Variants in PRKCE observed in about 807,000 individuals in gnomAD.
PRKCE encodes the protein protein kinase C epsilon type.
Under a neutral mutation model 85.4 loss-of-function variants are expected in PRKCE, and 16 were observed. The observed-to-expected ratio is 0.19, with a 90% confidence interval of 0.13 to 0.28. The LOEUF is 0.28. PRKCE is among the 10% of genes least tolerant of loss of function. PRKCE has a pLI of 1.00. For synonymous variants in PRKCE, 388 were observed against 371.5 expected, an observed-to-expected ratio of 1.04 and a Z score of -0.51; for missense variants, 573 against 975.2, an observed-to-expected ratio of 0.59 and a Z score of 5.49.
At chr2:45,720,425 C>CGG in intron 1 of PRKCE, among the ~76,000 whole-genome samples, 1 of 152,080 alleles carries the variant, frequency 6.6e-6, no homozygotes, top group South Asian at 2.1e-4. Context: ...TTTCTGTGAG[C>CGG]GAGTGAGAGG....
intron 10 of PRKCE, among the ~76,000 whole-genome samples, chr2:46,020,329 A>C (rs1441275105): frequency 6.6e-6 from 1 of 152,154 alleles, no homozygotes; most frequent in Non-Finnish European, 1.5e-5. Context: ...CATTCCAAGG[A>C]AGATAACATT....
rs1558437589 is a variant in PRKCE at position 46,085,749 on chromosome 2, GTTTTTGTT to G, written c.1438-453_1438-446del. 5.1e-3 allele frequency among the ~76,000 whole-genome samples: 96 copies of G among 18,662 alleles called. 11 individuals are homozygous for G. In the East Asian group the frequency reaches 0.091, roughly 18 times the overall value. 12.2% of individuals were successfully genotyped at this position (18,662 alleles called of 152,430 possible). A position where few individuals can be genotyped will look rare whatever the true frequency, so the allele number is the denominator to read the frequency against. On this transcript the variant is annotated intron_variant, in intron 10 of 14. Transcript: ENST00000306156. ...TCTGCAAAATCCGTTTTTTTTTTTT[GTTTTTGTT>G]TTTTTTTTTTTTTTTAGCCATATAA... is the stretch of plus-strand genomic sequence containing the variant.
intron 1 of PRKCE, among the ~76,000 whole-genome samples, chr2:45,758,129 A>G (rs1684163029): frequency 6.6e-6 from 1 of 152,210 alleles, no homozygotes; most frequent in Non-Finnish European, 1.5e-5. Context: ...ATGGGCTGAG[A>G]CAGATTGCCT....
rs1014686285 is a variant in PRKCE at position 46,041,602 on chromosome 2, A to G, written c.1437+31085A>G. Among the ~76,000 whole-genome samples, 1 of 152,244 alleles carries G rather than the reference A, an allele frequency of 6.6e-6. No individual in the cohort carries two copies. Among genetic ancestry groups the G allele is most frequent in the Non-Finnish European group, 1.5e-5 (1 of 68,034 alleles). On this transcript the variant is annotated intron_variant, in intron 10 of 14. Transcript: ENST00000306156. This position sits in a 1 kb window ranked among gnomAD's most constrained non-coding sequence, Gnocchi z 5.5. ...GGCCCAAGTAACCCACAAGGCAGTG[A>G]TCTGGATCTGTTTACCAAGTTAACT...
At chr2:45,744,555 TTC>T (rs1558624289) in intron 1 of PRKCE, among the ~76,000 whole-genome samples, 18 of 105,346 alleles carry the variant, frequency 1.7e-4, no homozygotes, top group South Asian at 3.9e-4. Flanking sequence ...TCTTTCTTCC[TTC>T]CTTCCTTCCT....
At chr2:45,930,135 C>G (rs2104032256) in intron 2 of PRKCE, among the ~76,000 whole-genome samples, 1 of 152,310 alleles carries the variant, frequency 6.6e-6, no homozygotes, top group South Asian at 2.1e-4. Flanking sequence ...CCATCCAGCT[C>G]AGTCACCTGA....
At chr2:45,810,330 C>T (rs184788780) in intron 1 of PRKCE, among the ~76,000 whole-genome samples, 15 of 152,200 alleles carry the variant, frequency 9.9e-5, no homozygotes, top group Middle Eastern at 3.4e-3. Flanking sequence ...CGTGAACCAC[C>T]GCGCCCAGCC....
At chr2:46,160,216 A>G (rs749940608) in intron 14 of PRKCE, among the ~76,000 whole-genome samples, 1 of 152,188 alleles carries the variant, frequency 6.6e-6, no homozygotes. Context: ...AGCAGGAAGG[A>G]TGGTGCTGGG....
intron 11 of PRKCE, among the ~76,000 whole-genome samples, chr2:46,092,733 G>T (rs1049432505): frequency 3.9e-5 from 6 of 152,110 alleles, no homozygotes; most frequent in Admixed American, 1.3e-4. Context: ...TCCAAACCAG[G>T]CCTCCGTATG....
intron 10 of PRKCE, among the ~76,000 whole-genome samples, chr2:46,080,242 A>G (rs972835699): frequency 2.0e-5 from 3 of 152,180 alleles, no homozygotes; most frequent in African/African-American, 7.2e-5. Flanking sequence ...TGCTTCTCAA[A>G]TGTGTTAGAT....
intron 2 of PRKCE, among the ~76,000 whole-genome samples, chr2:45,921,796 G>A (rs1378885797): frequency 6.6e-6 from 1 of 152,212 alleles, no homozygotes; most frequent in African/African-American, 2.4e-5. Flanking sequence ...TCTTCCTGGT[G>A]TGATGCCTGC....
intron 2 of PRKCE, among the ~76,000 whole-genome samples, chr2:45,869,144 T>C (rs1693873622): frequency 6.6e-6 from 1 of 152,208 alleles, no homozygotes. Flanking sequence ...TAGGAGCTGA[T>C]AGAAATATTT....
At chr2:45,960,137 G>T (rs1415602691) in intron 2 of PRKCE, among the ~76,000 whole-genome samples, 1 of 152,148 alleles carries the variant, frequency 6.6e-6, no homozygotes, top group Non-Finnish European at 1.5e-5. Context: ...TGGGATAAAG[G>T]GGGGAAAACC....
chr2:45,755,336 C>G (rs763371368), intron 1 of PRKCE, among the ~76,000 whole-genome samples: 4 of 152,092 alleles, frequency 2.6e-5, no homozygotes, highest in Non-Finnish European at 5.9e-5. Context: ...ATTTTTGCAG[C>G]CCAGATAAGG....
At chr2:45,784,634 G>GT (rs565815065) in intron 1 of PRKCE, among the ~76,000 whole-genome samples, 5 of 150,820 alleles carry the variant, frequency 3.3e-5, no homozygotes, top group East Asian at 1.9e-4. Context: ...CTAGCTTTTT[G>GT]TTTTTTTTTA....
chr2:46,011,710 A>T (rs1187473847), intron 10 of PRKCE, among the ~76,000 whole-genome samples: 1 of 152,072 alleles, frequency 6.6e-6, no homozygotes, highest in East Asian at 1.9e-4. Flanking sequence ...AAACAAAATT[A>T]CCTTTGTTTA....
At chr2:45,939,544 G>A (rs1699728206) in intron 2 of PRKCE, among the ~76,000 whole-genome samples, 1 of 149,854 alleles carries the variant, frequency 6.7e-6, no homozygotes, top group Non-Finnish European at 1.5e-5. Flanking sequence ...TGATTCCAAT[G>A]GCAGTTAGTT....
intron 10 of PRKCE, among the ~76,000 whole-genome samples, chr2:46,046,563 A>T (rs925462050): frequency 9.2e-5 from 14 of 152,224 alleles, no homozygotes; most frequent in Admixed American, 3.9e-4. Flanking sequence ...CACATTGAAA[A>T]ATGGAAAAAT....
At chr2:45,849,480 G>C (rs1407638513) in intron 2 of PRKCE, among the ~76,000 whole-genome samples, 2 of 152,154 alleles carry the variant, frequency 1.3e-5, no homozygotes, top group African/African-American at 2.4e-5. Context: ...ATACTCCCAC[G>C]CTTTCTCTTT....
Sources: gnomAD v4.1 joint callset for allele counts (sites outside exome capture counted in the v4.1 genomes callset) on GRCh38, gnomAD v4.1.1 for gene constraint, Gnocchi (gnomAD v3.1) non-coding constraint, MANE v1.5 for transcripts, NCBI Gene and HGNC (gene_info 2026-07-23, HGNC 2026-07-21) for gene names.